The following ZNF81 variants were observed in gnomAD, a reference collection of about 807,000 sequenced individuals.
ZNF81 encodes the protein zinc finger protein 81.
In ZNF81, 5 loss-of-function variants were observed where a neutral mutation model predicts 32.3. That is an observed-to-expected ratio of 0.15 (90% confidence interval 0.08 to 0.33). The LOEUF is 0.33. Among genes scored for constraint, ZNF81 ranks in the 10% least tolerant of loss-of-function variants. The pLI, the probability that ZNF81 is intolerant of heterozygous loss-of-function variation, is 1.00. For synonymous variants in ZNF81, 163 were observed against 166.8 expected, an observed-to-expected ratio of 0.98 and a Z score of 0.17; for missense variants, 379 against 479.8, an observed-to-expected ratio of 0.79 and a Z score of 1.96.
At chrX:47,907,377 T>C (rs782250653) in intron 4 of ZNF81, among the ~76,000 whole-genome samples, 141 of 100,656 alleles carry the variant, frequency 1.4e-3, no homozygotes, top group African/African-American at 4.9e-3. Context: ...AAAAGAATCA[T>C]ACATTTAAAC....
intron 2 of ZNF81, among the ~76,000 whole-genome samples, chrX:47,882,368 A>G (rs1369908462): frequency 8.9e-6 from 1 of 112,188 alleles, no homozygotes; most frequent in Non-Finnish European, 1.9e-5. Flanking sequence ...AATGGAATCA[A>G]ACCATCTGTG....
chrX:47,892,547 G>A (rs1318669282), intron 3 of ZNF81, among the ~76,000 whole-genome samples: 2 of 111,846 alleles, frequency 1.8e-5, no homozygotes, highest in Non-Finnish European at 3.8e-5. Flanking sequence ...ACTTCATTTA[G>A]TGTAGGCCAC....
chrX:47,904,964 C>T (rs1440010293), intron 4 of ZNF81, among the ~76,000 whole-genome samples: 3 of 109,415 alleles, frequency 2.7e-5, no homozygotes, highest in African/African-American at 1.0e-4. Flanking sequence ...ATCGCAAGGA[C>T]AAAAAACCAA....
intron 2 of ZNF81, among the ~76,000 whole-genome samples, chrX:47,854,987 C>T (rs957719430): frequency 2.8e-5 from 3 of 108,976 alleles, no homozygotes; most frequent in African/African-American, 1.0e-4. Context: ...CCTAGCTACT[C>T]GGGAGGCTGA....
intron 2 of ZNF81, among the ~76,000 whole-genome samples, chrX:47,873,052 G>T (rs2058586383): frequency 9.0e-6 from 1 of 111,368 alleles, no homozygotes; most frequent in South Asian, 3.7e-4. Flanking sequence ...TTTCCTCTAG[G>T]CATCTCCACA....
chrX:47,898,505 G>T (rs58481990), intron 4 of ZNF81, among the ~76,000 whole-genome samples: 3,946 of 111,462 alleles, frequency 0.035, 182 homozygotes, highest in African/African-American at 0.12. Flanking sequence ...TTCAATCAGG[G>T]AGTATAAGTC....
At chrX:47,868,868 A>G (rs1332104835) in intron 2 of ZNF81, among the ~76,000 whole-genome samples, 3 of 96,314 alleles carry the variant, frequency 3.1e-5, no homozygotes, top group African/African-American at 1.2e-4. Context: ...AAGAAAAACC[A>G]TCTACCTATA....
At chrX:47,847,961 C>G (rs1288562424) in intron 2 of ZNF81, among the ~76,000 whole-genome samples, 1 of 107,926 alleles carries the variant, frequency 9.3e-6, no homozygotes, top group African/African-American at 3.4e-5. Context: ...GTTGCCCAGG[C>G]TGGAGTGCAG....
rs782061438 is a variant in ZNF81, at chrX:47,913,757, C to T, written c.278-1167C>T. On this transcript the variant is annotated intron_variant, in intron 4 of 4. Transcript: ENST00000338637. The stretch of plus-strand genomic sequence containing the variant: ...ACAGTGTGGTGTCAACAAAGTAAGA[C>T]ATGCACCTTTAGTCCCTATGAAGAA... Among the ~76,000 whole-genome samples the T allele has an allele frequency of 2.1e-4, 23 of 111,675 alleles. No individual in the cohort carries two copies. The East Asian group carries it at 6.2e-3, about 30-fold the overall frequency.
chrX:47,853,625 T>C (rs1293722283), intron 2 of ZNF81, among the ~76,000 whole-genome samples: 1 of 111,658 alleles, frequency 9.0e-6, no homozygotes, highest in East Asian at 2.8e-4. Context: ...CATAGCTCAC[T>C]GTAACCTTGA....
chrX:47,874,332 C>T (rs2058591331), intron 2 of ZNF81, among the ~76,000 whole-genome samples: 1 of 112,016 alleles, frequency 8.9e-6, no homozygotes, highest in African/African-American at 3.2e-5. Context: ...GTCTTTTGGC[C>T]ACTATTCCTC....
At chrX:47,854,323 C>G (rs2058507339) in intron 2 of ZNF81, among the ~76,000 whole-genome samples, 1 of 112,394 alleles carries the variant, frequency 8.9e-6, no homozygotes, top group Admixed American at 9.4e-5. Context: ...TCTTTCCAGA[C>G]CACTCAAACT....
At chrX:47,870,985 A>G (rs1556883847) in intron 2 of ZNF81, among the ~76,000 whole-genome samples, 1 of 111,681 alleles carries the variant, frequency 9.0e-6, no homozygotes, top group Non-Finnish European at 1.9e-5. Flanking sequence ...TCCTTAATCC[A>G]TTTGCCCATT....
chrX:47,842,533 A>G (rs939202574), intron 1 of ZNF81: 5 of 110,967 alleles, frequency 4.5e-5, no homozygotes, highest in African/African-American at 1.6e-4. Flanking sequence ...TTACCTTTCT[A>G]CCTTTCAGAG....
intron 2 of ZNF81, among the ~76,000 whole-genome samples, chrX:47,886,069 T>C (rs2148027913): frequency 8.9e-6 from 1 of 112,518 alleles, no homozygotes; most frequent in Admixed American, 9.4e-5. Flanking sequence ...GCCTATCCTA[T>C]TTAATCATTC....
chrX:47,902,208 CTCTT>C (rs1378701065), intron 4 of ZNF81, among the ~76,000 whole-genome samples: 5 of 111,510 alleles, frequency 4.5e-5, no homozygotes, highest in Non-Finnish European at 9.4e-5. Flanking sequence ...CCAATGTACT[CTCTT>C]TCTCTGAAGT....
chrX:47,901,781 A>T (rs200237285), intron 4 of ZNF81, among the ~76,000 whole-genome samples: 1 of 51,015 alleles, frequency 2.0e-5, no homozygotes, highest in Non-Finnish European at 5.2e-5. Flanking sequence ...GGGTTCCCTT[A>T]TAATATCTTT....
intron 2 of ZNF81, among the ~76,000 whole-genome samples, chrX:47,856,574 C>T (rs901826598): frequency 1.8e-5 from 2 of 111,941 alleles, no homozygotes; most frequent in Non-Finnish European, 3.8e-5. Flanking sequence ...AGAAAAACAT[C>T]GTCAGCAGAT....
At position 47,917,522 on chromosome X, in the gene ZNF81, C is replaced by T. The variant is rs2058761694; in HGVS notation, c.*890C>T. On this transcript the variant is annotated 3_prime_UTR_variant, in exon 5 of 5. Coordinates refer to ENST00000338637, the MANE Select transcript of ZNF81 (RefSeq NM_007137.5). ...TGCAAAGCCTGCCTTGAAGCTTACC[C>T]TCTCTTGCTGCTCTTTGCAAACCTG... 1.1e-5 allele frequency: 3 copies of T among 268,740 alleles called. No individual in the cohort carries two copies. Among genetic ancestry groups the T allele is most frequent in the Non-Finnish European group, 2.0e-5 (3 of 151,652 alleles). 22.1% of individuals were successfully genotyped at this position (268,740 alleles called of 1,213,427 possible).
Sources: gnomAD v4.1 joint callset for allele counts (sites outside exome capture counted in the v4.1 genomes callset) on GRCh38, gnomAD v4.1.1 for gene constraint, MANE v1.5 for transcripts, NCBI Gene and HGNC (gene_info 2026-07-23, HGNC 2026-07-21) for gene names.